The following RGPD3 variants were observed in gnomAD, a reference collection of about 807,000 sequenced individuals.
RGPD3 encodes the protein ranBP2-like and GRIP domain-containing protein 3.
RGPD3 carries 62 observed loss-of-function variants against 154.5 expected under a neutral mutation model. The ratio of observed to expected loss-of-function variants is 0.40; its 90% confidence interval spans 0.33 to 0.50. The LOEUF (loss-of-function observed/expected upper bound fraction) is 0.50. Ranked by LOEUF, RGPD3 falls within the 20% of genes least tolerant of loss-of-function variation. The pLI is 0.59. For missense variants in RGPD3, 919 were observed against 1,716.8 expected, an observed-to-expected ratio of 0.54 and a Z score of 8.21; for synonymous variants, 308 against 607.0, an observed-to-expected ratio of 0.51 and a Z score of 7.24.
intron 20 of RGPD3, among the ~76,000 whole-genome samples, chr2:106,417,628 CT>C (rs1479386648): frequency 6.7e-6 from 1 of 150,024 alleles, no homozygotes; most frequent in Non-Finnish European, 1.5e-5. Flanking sequence ...TGTGTTTCTC[CT>C]TTCTCGAAGG....
upstream of RGPD3, chr2:106,468,444 T>A: frequency 7.0e-7 from 1 of 1,431,486 alleles, no homozygotes; most frequent in Non-Finnish European, 9.4e-7. Flanking sequence ...CAACAGTGTG[T>A]GGAACGTTGG....
intron 1 of RGPD3, 70 bp downstream of exon 1, chr2:106,468,147 C>G (rs1477888263): frequency 2.0e-6 from 3 of 1,515,284 alleles, no homozygotes; most frequent in East Asian, 2.6e-5. Flanking sequence ...CCATCGAGGC[C>G]GCCGCCGGGC....
chr2:106,415,702 A>G (rs549839349), intron 21 of RGPD3, 148 bp downstream of exon 21: 349 of 803,028 alleles, frequency 4.3e-4, no homozygotes, highest in Non-Finnish European at 5.7e-4. Context: ...AAAAAAGGCA[A>G]TATTTCTCAC....
At chr2:106,465,751 A>G (rs1009964330) in intron 1 of RGPD3, among the ~76,000 whole-genome samples, 2 of 151,932 alleles carry the variant, frequency 1.3e-5, no homozygotes, top group African/African-American at 4.8e-5. Flanking sequence ...AAGCAAAGTC[A>G]GCTACCAAAG....
intron 1 of RGPD3, among the ~76,000 whole-genome samples, chr2:106,466,335 G>T: frequency 6.6e-6 from 1 of 150,716 alleles, no homozygotes. Context: ...CCCGTCAGGA[G>T]CCATGACGCC....
chr2:106,437,515 A>AAAAAG (rs777570021), intron 9 of RGPD3, among the ~76,000 whole-genome samples: 99 of 152,244 alleles, frequency 6.5e-4, no homozygotes, highest in Middle Eastern at 3.4e-3. Context: ...CTGTCTCAAA[A>AAAAAG]AAAAGAAAAG....
intron 22 of RGPD3, among the ~76,000 whole-genome samples, chr2:106,409,572 A>G (rs2104441339): frequency 6.6e-6 from 1 of 152,064 alleles, no homozygotes; most frequent in East Asian, 1.9e-4. Flanking sequence ...GCTGCTTTTG[A>G]GATTTCTCTC....
In RGPD3 at chr2:106,434,185, T is replaced by A. The variant is rs1458655136; in HGVS notation, c.2205+43A>T. ...AGACCAACGCAAAAACACTGACCAGTGGGTTATCAGTAAGAACGTACATAC... is the reference window on the plus strand; with the variant it reads ...AGACCAACGCAAAAACACTGACCAGAGGGTTATCAGTAAGAACGTACATAC... On this transcript the variant is annotated intron_variant, in intron 15 of 22. Coordinates refer to ENST00000409886, the MANE Select transcript of RGPD3 (RefSeq NM_001144013.2). 6 of 1,592,368 alleles carry A rather than the reference T, an allele frequency of 3.8e-6. No individual in the cohort carries two copies. The African/African-American group carries it at 6.8e-5, about 18-fold the overall frequency.
In RGPD3 at chr2:106,468,264, C is replaced by G. The variant is rs200527401; in HGVS notation, c.25G>C (p.Glu9Gln). ...CCCTGCACCGAGGCGACGTACCGCT[C>G]CCCGTAGGCCTTGCTGCAACTCATC... The part of the protein sequence containing the change: MSCSKAYG[E>Q]RYVASVQGSA... Residue 9 changes from glutamate to glutamine, a missense_variant, in exon 1 of 23, where the codon GAG becomes CAG. Glu to Gln is a conservative substitution (Grantham distance 29, BLOSUM62 2). Coordinates refer to ENST00000409886, the MANE Select transcript of RGPD3 (RefSeq NM_001144013.2). The G allele has an allele frequency of 6.2e-7, 1 of 1,607,738 alleles. No individual in the cohort carries two copies. Among genetic ancestry groups the G allele is most frequent in the African/African-American group, 1.3e-5 (1 of 74,882 alleles).
intron 2 of RGPD3, among the ~76,000 whole-genome samples, chr2:106,458,587 T>C (rs1678305213): frequency 9.0e-6 from 1 of 111,050 alleles, no homozygotes; most frequent in African/African-American, 3.0e-5. Flanking sequence ...CAGGTCCACG[T>C]GGTGGTGCGC....
intron 22 of RGPD3, among the ~76,000 whole-genome samples, chr2:106,407,883 CTTGGCCTATTTTCCTA>C (rs1352866901): frequency 7.0e-6 from 1 of 143,026 alleles, no homozygotes; most frequent in African/African-American, 2.6e-5. Context: ...CTATAACAGG[CTTGGCCTATTTTCCTA>C]TTGGGTTGCT....
At chr2:106,410,032 C>T (rs1454263381) in intron 22 of RGPD3, among the ~76,000 whole-genome samples, 11 of 151,854 alleles carry the variant, frequency 7.2e-5, no homozygotes, top group East Asian at 2.0e-4. Context: ...TGCACCACCA[C>T]GCCCAGCTAA....
At chr2:106,465,767 C>G (rs1001787567) in intron 1 of RGPD3, among the ~76,000 whole-genome samples, 5 of 151,152 alleles carry the variant, frequency 3.3e-5, no homozygotes, top group Non-Finnish European at 5.9e-5. Flanking sequence ...CAAAGTGTTC[C>G]GGGCAGGGAG....
At position 106,423,639 on chromosome 2, in the gene RGPD3, T is replaced by C; in HGVS notation, c.4328A>G (p.His1443Arg). The C allele has an allele frequency of 1.2e-6, 2 of 1,603,656 alleles. No individual in the cohort carries two copies. The highest frequency in any genetic ancestry group is 1.7e-6 in the Non-Finnish European group (2 of 1,177,276). ...DFADGERKVE[H>R]LAVRFKLQDV... ...CTGTAGTTTAAAACGAACAGCTAAA[T>C]GCTCTACTTTTCTTTCTCCATCTGC... is the stretch of plus-strand genomic sequence containing the variant. Residue 1443 changes from histidine (H) to arginine (R), a missense_variant, in exon 20 of 23, where the codon CAT becomes CGT. Transcript: ENST00000409886.
upstream of RGPD3, among the ~76,000 whole-genome samples, chr2:106,468,932 T>C (rs1205758375): frequency 6.9e-6 from 1 of 144,630 alleles, no homozygotes; most frequent in Non-Finnish European, 1.5e-5. Flanking sequence ...TTAGTGGTAT[T>C]TCCCCTATAG....
At chr2:106,421,747 T>C (rs985468199) in intron 20 of RGPD3, among the ~76,000 whole-genome samples, 6 of 151,804 alleles carry the variant, frequency 4.0e-5, no homozygotes, top group African/African-American at 1.5e-4. Flanking sequence ...ACTGTATACA[T>C]GCCGTTGCCA....
At chr2:106,468,057 C>G (rs1427338444) in intron 1 of RGPD3, among the ~76,000 whole-genome samples, 160 bp downstream of exon 1, 1 of 128,634 alleles carries the variant, frequency 7.8e-6, no homozygotes, top group Non-Finnish European at 1.6e-5. Context: ...CCATCGAGGC[C>G]GCCGCAGGGC....
At chr2:106,467,056 G>C (rs1335628823) in intron 1 of RGPD3, among the ~76,000 whole-genome samples, 146 of 100,668 alleles carry the variant, frequency 1.5e-3, no homozygotes, top group Middle Eastern at 0.019. Flanking sequence ...TAACAGCGCC[G>C]GTCGGGAGCC....
chr2:106,427,004 G>A (rs1208300324), intron 18 of RGPD3, among the ~76,000 whole-genome samples: 1 of 151,122 alleles, frequency 6.6e-6, no homozygotes, highest in East Asian at 1.9e-4. Flanking sequence ...AATGGCCCAA[G>A]AATCTTAAAG....
Sources: gnomAD v4.1 joint callset for allele counts (sites outside exome capture counted in the v4.1 genomes callset) on GRCh38, gnomAD v4.1.1 for gene constraint, MANE v1.5 for transcripts, NCBI Gene and HGNC (gene_info 2026-07-23, HGNC 2026-07-21) for gene names.